Variants in CC2D2B observed in about 807,000 individuals in gnomAD.
CC2D2B encodes protein CC2D2B.
A neutral mutation model predicts 161.2 loss-of-function variants in CC2D2B; 128 were observed. That is an observed-to-expected ratio of 0.79 (90% CI 0.69 to 0.92). The LOEUF is 0.92. Ranked by LOEUF, CC2D2B falls within the 40% of genes least tolerant of loss-of-function variation. The pLI is 0.00. For synonymous variants in CC2D2B, 391 were observed against 449.8 expected (o/e 0.87, Z 1.65); for missense variants, 1,173 against 1,375.1 (o/e 0.85, Z 2.32).
Position 95,988,267 on chromosome 10 carries a change from A to G in CC2D2B, c.2304A>G (p.Lys768=), listed in dbSNP as rs2077809386. The stretch of plus-strand genomic sequence containing the variant: ...GTATTTAGGAGTATGAAAGTCAGAA[A>G]GAGAAGGAGGTATCCGTTTCAGATG... ...DLVFQEYESQ[K]EKEVSVSDVN... is the part of the protein sequence containing the mutation. Residue 768 remains lysine, a synonymous_variant, in exon 20 of 35, where the codon AAA becomes AAG. Coordinates refer to ENST00000646931, the MANE Select transcript of CC2D2B (RefSeq NM_001349008.3). 3 of 1,220,706 alleles carry G rather than the reference A, an allele frequency of 2.5e-6. No homozygotes were observed. Among genetic ancestry groups the G allele is most frequent in the Non-Finnish European group, 3.1e-6 (3 of 975,866 alleles). The allele number at this position is 1,220,706 out of a possible 1,614,324, so 75.6% of individuals were successfully genotyped here.
intron 19 of CC2D2B, 108 bp downstream of exon 19, chr10:95,983,917 A>C: frequency 8.2e-6 from 4 of 484,932 alleles, no homozygotes; most frequent in Non-Finnish European, 1.3e-5. Flanking sequence ...TAATCTGTAG[A>C]CAGATTTCCT....
intron 9 of CC2D2B, among the ~76,000 whole-genome samples, chr10:95,941,251 G>A (rs1050562262): frequency 1.2e-4 from 18 of 152,220 alleles, no homozygotes; most frequent in East Asian, 1.9e-4. Context: ...AGATGAGAAC[G>A]TGGAGGAAAG....
intron 26 of CC2D2B, among the ~76,000 whole-genome samples, chr10:96,011,786 T>C (rs2079003708): frequency 6.6e-6 from 1 of 151,670 alleles, no homozygotes; most frequent in Admixed American, 6.6e-5. Context: ...CAATTTCTCC[T>C]ACTGTGGACC....
intron 24 of CC2D2B, among the ~76,000 whole-genome samples, chr10:96,000,427 G>T (rs1045407540): frequency 6.6e-6 from 1 of 151,972 alleles, no homozygotes; most frequent in Non-Finnish European, 1.5e-5. Context: ...GCAGTGGCGC[G>T]ATCTGGGCTC....
In CC2D2B at chr10:95,967,090, T is replaced by C. The variant is rs2076965214; in HGVS notation, c.1466+788T>C. ...ATACTGGGTAATCAATAAATGTTTA[T>C]ATATATTAAATGAGTGAATGGATGC... is the stretch of plus-strand genomic sequence containing the variant. On this transcript the variant is annotated intron_variant, in intron 14 of 34. Coordinates refer to ENST00000646931, the MANE Select transcript of CC2D2B (RefSeq NM_001349008.3). Among the ~76,000 whole-genome samples the C allele has an allele frequency of 2.0e-5, 3 of 152,102 alleles. No homozygotes were observed. The South Asian group carries it at 6.2e-4, about 31-fold the overall frequency.
At chr10:95,972,363 C>T (rs2077165647) in intron 16 of CC2D2B, 147 bp downstream of exon 16, 1 of 574,018 alleles carries the variant, frequency 1.7e-6, no homozygotes, top group South Asian at 9.4e-5. Flanking sequence ...AGAATCTCAC[C>T]CAGGATGAAG....
chr10:95,976,898 G>A (rs1287283844), intron 17 of CC2D2B, among the ~76,000 whole-genome samples: 1 of 152,144 alleles, frequency 6.6e-6, no homozygotes, highest in Non-Finnish European at 1.5e-5. Context: ...ACAGGCATGC[G>A]CTACCAAGCT....
chr10:96,011,752 T>TACACACAC lies in CC2D2B; in HGVS notation c.3046-415_3046-408dup, dbSNP rs369797565. Among the ~76,000 whole-genome samples the TACACACAC allele has an allele frequency of 6.8e-5, 10 of 148,136 alleles. 1 individual carries two copies. The South Asian group carries it at 1.9e-3, about 29-fold the overall frequency. ...CCTCTTACACACACGCACACACACA[T>TACACACAC]ACACACACACACACACACACACACA... On this transcript the variant is annotated intron_variant, in intron 26 of 34. Coordinates refer to ENST00000646931, the MANE Select transcript of CC2D2B (RefSeq NM_001349008.3).
At chr10:95,958,308 A>G (rs1339405808) in intron 11 of CC2D2B, among the ~76,000 whole-genome samples, 3 of 152,254 alleles carry the variant, frequency 2.0e-5, no homozygotes. Context: ...CGTAGTTAAC[A>G]TGGTGAAACC....
intron 1 of CC2D2B, among the ~76,000 whole-genome samples, chr10:95,908,997 C>T (rs868842721): frequency 3.3e-5 from 5 of 152,084 alleles, no homozygotes; most frequent in Non-Finnish European, 7.4e-5. Flanking sequence ...GGGCCCAAAT[C>T]TTTCTTGATC....
rs1420459237 is a variant in CC2D2B at position 95,924,812 on chromosome 10, C to T, written c.208C>T (p.Leu70Phe). The change falls in exon 5 of 35, where the codon CTC becomes TTC. Residue 70 changes from leucine (L) to phenylalanine (F), a missense_variant. By Grantham distance (22) the Leu-to-Phe change is conservative. This residue lies in a region of CC2D2B where 298 missense variants were observed against 261.2 expected (regional missense o/e 1.14). Transcript: ENST00000646931. ...NKGEKSSTEQ[L>F]IDSEIHQRSK... Reference sequence around the variant, plus strand: ...AGGTGAAAAATCTTCAACTGAGCAGCTCATTGATAGCGAAATACATCAAAG... The same window carrying T: ...AGGTGAAAAATCTTCAACTGAGCAGTTCATTGATAGCGAAATACATCAAAG... 2 of 1,547,296 alleles carry T rather than the reference C, an allele frequency of 1.3e-6. No homozygotes were observed. The highest frequency in any genetic ancestry group is 1.4e-5 in the African/African-American group (1 of 72,946).
chr10:95,924,918 C>G, intron 5 of CC2D2B, 74 bp downstream of exon 5: 1 of 903,436 alleles, frequency 1.1e-6, no homozygotes, highest in Non-Finnish European at 1.8e-6. Flanking sequence ...AAAACTTCAC[C>G]CATTTAAAGT....
Position 95,973,299 on chromosome 10 carries a change from G to A in CC2D2B, c.1796-710G>A, listed in dbSNP as rs143952003. 2.6e-5 allele frequency among the ~76,000 whole-genome samples: 4 copies of A among 152,222 alleles called. No homozygotes were observed. The East Asian group carries it at 7.7e-4, about 29-fold the overall frequency. On this transcript the variant is annotated intron_variant, in intron 16 of 34. Transcript: ENST00000646931. ...GTGCACTCAGCAAAAGTTTTAAGAAGTATTGTTAAACTCTTTGGAGATTAG... is the reference window on the plus strand; with the variant it reads ...GTGCACTCAGCAAAAGTTTTAAGAAATATTGTTAAACTCTTTGGAGATTAG...
chr10:95,947,113 A>ATATATATTTTTTTTTTTT (rs1289243570), intron 9 of CC2D2B, among the ~76,000 whole-genome samples: 3 of 48,376 alleles, frequency 6.2e-5, no homozygotes, highest in African/African-American at 2.8e-4. Context: ...ATATATATAT[A>ATATATATTTTTTTTTTTT]TTTTTTTTTT....
intron 10 of CC2D2B, among the ~76,000 whole-genome samples, chr10:95,955,089 C>T (rs879378138): frequency 5.9e-5 from 9 of 151,986 alleles, no homozygotes; most frequent in Admixed American, 4.6e-4. Context: ...TACCTGTGCT[C>T]AATATGCCTT....
chr10:96,017,054 T>TAA (rs199778731), intron 30 of CC2D2B, among the ~76,000 whole-genome samples: 1 of 151,908 alleles, frequency 6.6e-6, no homozygotes, highest in Non-Finnish European at 1.5e-5. Context: ...TTAAGATCTG[T>TAA]AAAAAAAACA....
chr10:95,915,270 A>G (rs986237478), intron 2 of CC2D2B, among the ~76,000 whole-genome samples: 1 of 152,114 alleles, frequency 6.6e-6, no homozygotes. Context: ...ATGTCCTGCA[A>G]CTTTGCTGAA....
intron 33 of CC2D2B, among the ~76,000 whole-genome samples, chr10:96,025,996 T>C (rs1205701711): frequency 6.6e-6 from 1 of 152,190 alleles, no homozygotes; most frequent in East Asian, 1.9e-4. Flanking sequence ...TCCCAACTGA[T>C]TTTCATTAGA....
At chr10:95,967,322 T>C (rs1420787706) in intron 14 of CC2D2B, among the ~76,000 whole-genome samples, 1 of 152,032 alleles carries the variant, frequency 6.6e-6, no homozygotes, top group Non-Finnish European at 1.5e-5. Context: ...AAATGAAAGT[T>C]GGAGGGAGAG....
Sources: allele counts gnomAD v4.1 joint callset (sites outside exome capture counted in the v4.1 genomes callset), GRCh38; gene constraint gnomAD v4.1.1; regional missense constraint gnomAD v4.1.1; transcripts MANE v1.5; gene names NCBI Gene and HGNC (gene_info 2026-07-23, HGNC 2026-07-21).